CLNK: variants seen among roughly 807,000 people sequenced by gnomAD.
CLNK encodes the protein cytokine-dependent hematopoietic cell linker.
CLNK carries 74 observed loss-of-function variants against 68.6 expected under a neutral mutation model. The observed-to-expected ratio is 1.08, with a 90% CI of 0.89 to 1.31. The LOEUF is 1.31. CLNK is among the 50% of genes most tolerant of loss of function. CLNK has a pLI of 0.00. For synonymous variants in CLNK, 198 were observed against 172.2 expected (o/e 1.15, Z -1.17); for missense variants, 553 against 515.3 (o/e 1.07, Z -0.71).
At position 10,661,610 on chromosome 4, in the gene CLNK, G is replaced by A. The variant is rs144290878; in HGVS notation, c.11+6249C>T. Among the ~76,000 whole-genome samples, 19 of 152,294 alleles carry A rather than the reference G, an allele frequency of 1.2e-4. 1 individual carries two copies. The East Asian group carries it at 2.3e-3, about 19-fold the overall frequency. On this transcript the variant is annotated intron_variant, in intron 2 of 18. Coordinates refer to ENST00000226951, the MANE Select transcript of CLNK (RefSeq NM_052964.4). ...GAGAATGACTAGCACAGTGCCTGGC[G>A]TGTCAGGGAGGGTAAACAATTTTTG...
intron 8 of CLNK, among the ~76,000 whole-genome samples, chr4:10,547,740 G>A (rs1400203362): frequency 2.6e-5 from 4 of 152,124 alleles, no homozygotes; most frequent in South Asian, 4.1e-4. Flanking sequence ...AGATTCTACA[G>A]CATCATTTTT....
At chr4:10,534,525 T>C (rs950719775) in intron 11 of CLNK, among the ~76,000 whole-genome samples, 11 of 152,220 alleles carry the variant, frequency 7.2e-5, no homozygotes, top group African/African-American at 2.7e-4. Context: ...TCTGTCACCC[T>C]GGATAAGTTA....
chr4:10,491,213 T>G (rs1716559674), intron 18 of CLNK, among the ~76,000 whole-genome samples: 1 of 152,228 alleles, frequency 6.6e-6, no homozygotes, highest in Admixed American at 6.5e-5. Context: ...CTCTCTGGAA[T>G]CAGATCACAC....
chr4:10,620,829 G>A (rs1245185326), intron 2 of CLNK, among the ~76,000 whole-genome samples: 5 of 152,012 alleles, frequency 3.3e-5, no homozygotes, highest in African/African-American at 9.7e-5. Flanking sequence ...CAGGCTGGGC[G>A]CGGTGGCTCA....
chr4:10,658,044 A>G (rs1724048779), intron 2 of CLNK, among the ~76,000 whole-genome samples: 1 of 152,076 alleles, frequency 6.6e-6, no homozygotes, highest in Non-Finnish European at 1.5e-5. Flanking sequence ...GTAACATCCC[A>G]TTGTTCCTCA....
At chr4:10,514,923 T>G (rs1363935492) in intron 15 of CLNK, among the ~76,000 whole-genome samples, 4 of 152,034 alleles carry the variant, frequency 2.6e-5, no homozygotes, top group Non-Finnish European at 5.9e-5. Flanking sequence ...AAACAAACAA[T>G]CCCAGAGTCA....
Position 10,611,318 on chromosome 4 carries a change from AAAAC to A in CLNK, c.12-13273_12-13270del, listed in dbSNP as rs550482647. ...GGTGACAGAGCAAGGCTCCGTCTCA[AAAAC>A]AAACAAACAAACAAACAACACAAAA... On this transcript the variant is annotated intron_variant, in intron 2 of 18. Transcript: ENST00000226951. 9.8e-4 allele frequency among the ~76,000 whole-genome samples: 149 copies of A among 152,080 alleles called. 2 individuals are homozygous for A. Among genetic ancestry groups the A allele is most frequent in the Admixed American group, 6.3e-3 (96 of 15,278 alleles).
chr4:10,541,291 T>C (rs990319352), intron 10 of CLNK, among the ~76,000 whole-genome samples: 2 of 151,784 alleles, frequency 1.3e-5, no homozygotes, highest in Non-Finnish European at 1.5e-5. Context: ...CTCACTCATA[T>C]GTTATTCACC....
intron 15 of CLNK, among the ~76,000 whole-genome samples, chr4:10,519,799 C>A (rs543386735): frequency 6.6e-6 from 1 of 152,160 alleles, no homozygotes; most frequent in African/African-American, 2.4e-5. Context: ...TATCAGTTGC[C>A]TACTACATGG....
chr4:10,647,019 T>C (rs1199658275), intron 2 of CLNK, among the ~76,000 whole-genome samples: 1 of 152,190 alleles, frequency 6.6e-6, no homozygotes. Context: ...TGTATACATC[T>C]CTATCCTTGT....
rs371161636 is a variant in CLNK at position 10,564,701 on chromosome 4, C to A, written c.369G>T (p.Pro123=). The A allele has an allele frequency of 2.5e-6, 4 of 1,613,208 alleles. No individual in the cohort carries two copies. The highest frequency in any genetic ancestry group is 4.5e-5 in the East Asian group (2 of 44,898). ...CCAACCTCGTCTGTGTGTTCCAGGT[C>A]GGCTGTCCAATGGAGATAGAGGTCC... The part of the protein sequence containing the change: ...DTRTSISIGQ[P]TWNTQTRLER... Residue 123 remains proline, a synonymous_variant, in exon 7 of 19, where the codon CCG becomes CCT. Coordinates refer to ENST00000226951, the MANE Select transcript of CLNK (RefSeq NM_052964.4).
intron 1 of CLNK, among the ~76,000 whole-genome samples, chr4:10,679,470 T>G (rs576874323): frequency 2.0e-5 from 3 of 152,088 alleles, no homozygotes; most frequent in Non-Finnish European, 2.9e-5. Context: ...GGACTTCATG[T>G]CTAAAACATC....
chr4:10,599,030 T>C (rs1297187677), intron 2 of CLNK, among the ~76,000 whole-genome samples: 1 of 152,256 alleles, frequency 6.6e-6, no homozygotes, highest in Non-Finnish European at 1.5e-5. Flanking sequence ...GCTCAAGTGC[T>C]ACTTCCTCAG....
chr4:10,623,928 A>G (rs1166375317), intron 2 of CLNK, among the ~76,000 whole-genome samples: 1 of 152,252 alleles, frequency 6.6e-6, no homozygotes, highest in East Asian at 1.9e-4. Context: ...AGTGTAGACT[A>G]GTGAAGAAAG....
intron 5 of CLNK, among the ~76,000 whole-genome samples, chr4:10,567,765 T>A (rs1298953088): frequency 1.3e-5 from 2 of 152,200 alleles, no homozygotes; most frequent in African/African-American, 4.8e-5. Context: ...GGGAAAAGGA[T>A]ATGAATGGAT....
At chr4:10,510,629 A>G (rs1436849158) in intron 16 of CLNK, among the ~76,000 whole-genome samples, 1 of 152,194 alleles carries the variant, frequency 6.6e-6, no homozygotes, top group Non-Finnish European at 1.5e-5. Context: ...ACATCTATCC[A>G]GACCTTAAGT....
intron 2 of CLNK, among the ~76,000 whole-genome samples, chr4:10,663,654 T>C (rs1241442178): frequency 2.0e-5 from 3 of 152,200 alleles, no homozygotes; most frequent in African/African-American, 7.2e-5. Context: ...ATATACAATA[T>C]ATATTTCTAT....
chr4:10,553,055 G>A (rs1275574282), intron 8 of CLNK, among the ~76,000 whole-genome samples: 1 of 151,968 alleles, frequency 6.6e-6, no homozygotes, highest in African/African-American at 2.4e-5. Flanking sequence ...AAGAGGAGGG[G>A]GGGGCATGCA....
chr4:10,584,631 T>G (rs1720906938), intron 4 of CLNK, among the ~76,000 whole-genome samples: 1 of 152,148 alleles, frequency 6.6e-6, no homozygotes, highest in Non-Finnish European at 1.5e-5. Context: ...TGAGGTAGAC[T>G]TATACCCATT....
Sources: allele counts gnomAD v4.1 joint callset (sites outside exome capture counted in the v4.1 genomes callset), GRCh38; gene constraint gnomAD v4.1.1; transcripts MANE v1.5; gene names NCBI Gene and HGNC (gene_info 2026-07-23, HGNC 2026-07-21).